DNAH6: variants seen among roughly 807,000 people sequenced by gnomAD.
DNAH6 encodes axonemal beta dynein heavy chain 6.
In DNAH6, 340 loss-of-function variants were observed where a neutral mutation model predicts 491.4. That is an observed-to-expected ratio of 0.69 (90% CI 0.63 to 0.76). DNAH6 has a LOEUF of 0.76. Among genes scored for constraint, DNAH6 ranks in the 30% least tolerant of loss-of-function variants. The pLI is 0.00. For missense variants in DNAH6, 4,443 were observed against 4,972.2 expected, an observed-to-expected ratio of 0.89 and a Z score of 3.20; for synonymous variants, 1,603 against 1,686.1, an observed-to-expected ratio of 0.95 and a Z score of 1.21.
chr2:84,801,276 A>C (rs1209220271), intron 70 of DNAH6, among the ~76,000 whole-genome samples: 1 of 151,818 alleles, frequency 6.6e-6, no homozygotes, highest in Non-Finnish European at 1.5e-5. Flanking sequence ...AAAGAAAAAA[A>C]AAAAAAAGAA....
At chr2:84,617,363 T>A (rs1193032466) in intron 23 of DNAH6, among the ~76,000 whole-genome samples, 1 of 152,170 alleles carries the variant, frequency 6.6e-6, no homozygotes. Context: ...AATCCAGTTA[T>A]ACTCTTTTAG....
intron 35 of DNAH6, among the ~76,000 whole-genome samples, chr2:84,655,268 A>G (rs1690842872): frequency 6.6e-6 from 1 of 152,194 alleles, no homozygotes; most frequent in Non-Finnish European, 1.5e-5. Flanking sequence ...CCCCAATAGT[A>G]GGTGCAAGAC....
intron 64 of DNAH6, 101 bp downstream of exon 64, chr2:84,763,046 A>C: frequency 9.5e-6 from 8 of 839,948 alleles, no homozygotes. Context: ...AAATTCTTAC[A>C]TTCAGGTATC....
intron 70 of DNAH6, among the ~76,000 whole-genome samples, chr2:84,801,912 A>G (rs1482964606): frequency 6.6e-6 from 1 of 151,710 alleles, no homozygotes; most frequent in Non-Finnish European, 1.5e-5. Flanking sequence ...AAAAGAAAGA[A>G]AGGGAAGGGA....
intron 11 of DNAH6, among the ~76,000 whole-genome samples, chr2:84,564,440 G>A (rs1040946739): frequency 2.4e-4 from 36 of 152,108 alleles, no homozygotes; most frequent in Admixed American, 5.2e-4. Context: ...CATTTTGTGC[G>A]TATGTGGCTA....
chr2:84,543,281 T>C (rs1678445534), intron 4 of DNAH6, among the ~76,000 whole-genome samples: 1 of 152,080 alleles, frequency 6.6e-6, no homozygotes, highest in African/African-American at 2.4e-5. Flanking sequence ...TTCACTGGAG[T>C]GTTCCTAATT....
At chr2:84,671,764 G>A (rs368487890) in intron 39 of DNAH6, among the ~76,000 whole-genome samples, 89 of 152,202 alleles carry the variant, frequency 5.8e-4, no homozygotes, top group African/African-American at 2.0e-3. Context: ...TTTGCCCATC[G>A]GGTTTCTCTT....
intron 50 of DNAH6, among the ~76,000 whole-genome samples, 197 bp from the exon 51 acceptor site, chr2:84,703,870 G>A (rs1297243860): frequency 1.3e-5 from 2 of 152,160 alleles, no homozygotes; most frequent in Non-Finnish European, 2.9e-5. Flanking sequence ...GGAACTGTTT[G>A]TTATAATAAG....
chr2:84,637,203 C>T lies in DNAH6; in HGVS notation c.4654-7C>T, dbSNP rs757460577. 9 of 1,525,648 alleles carry T rather than the reference C, an allele frequency of 5.9e-6. No homozygotes were observed. Among genetic ancestry groups the T allele is most frequent in the Admixed American group, 4.3e-5 (2 of 47,046 alleles). 94.5% of individuals were successfully genotyped at this position (1,525,648 alleles called of 1,614,324 possible). On this transcript the variant is annotated splice_region_variant and splice_polypyrimidine_tract_variant and intron_variant, in intron 30 of 76. Transcript: ENST00000389394. ...AGAGTGTTAACTTATATTTTATCTT[C>T]GAACAGCTCTCTAGATTCATGTTTG... is the stretch of plus-strand genomic sequence containing the variant.
intron 4 of DNAH6, among the ~76,000 whole-genome samples, chr2:84,531,750 AAAAG>A (rs33983559): frequency 0.82 from 123,914 of 151,694 alleles, 53,199 homozygotes; most frequent in East Asian, 0.99. Flanking sequence ...TTGGGGTAAA[AAAAG>A]AGGATTTTTC....
chr2:84,479,044 C>A, the DNAH6 span, among the ~76,000 whole-genome samples: 247 of 152,288 alleles, frequency 1.6e-3, 2 homozygotes, highest in Non-Finnish European at 2.6e-4. Context: ...TCAGCTGTCC[C>A]CAGCTGGACT....
intron 26 of DNAH6, among the ~76,000 whole-genome samples, chr2:84,622,591 T>C (rs1573256724): frequency 6.6e-6 from 1 of 152,176 alleles, no homozygotes; most frequent in Non-Finnish European, 1.5e-5. Flanking sequence ...TGGACACTTG[T>C]GTTATTTCCA....
chr2:84,505,812 G>GT, the DNAH6 span, among the ~76,000 whole-genome samples: 2 of 151,998 alleles, frequency 1.3e-5, no homozygotes, highest in Non-Finnish European at 1.5e-5. Context: ...TGCGGTGTTT[G>GT]TTTTTTTGTC....
chr2:84,699,874 C>A, intron 48 of DNAH6, 140 bp downstream of exon 48: 1 of 782,136 alleles, frequency 1.3e-6, no homozygotes, highest in Non-Finnish European at 1.9e-6. Flanking sequence ...AGAGAATGAC[C>A]GTGACAATCA....
intron 11 of DNAH6, among the ~76,000 whole-genome samples, chr2:84,572,904 G>A (rs187710506): frequency 3.0e-4 from 45 of 152,270 alleles, no homozygotes; most frequent in Middle Eastern, 3.4e-3. Context: ...ATTGGAAATC[G>A]TTGTCTTGGT....
intron 64 of DNAH6, among the ~76,000 whole-genome samples, chr2:84,766,524 A>C (rs186315072): frequency 3.0e-4 from 45 of 152,334 alleles, no homozygotes; most frequent in South Asian, 6.2e-4. Context: ...GTAATGTGGC[A>C]CTTAGAGGTA....
rs113019880 is a variant in DNAH6, at chr2:84,777,885, G to A, written c.10704-3608G>A. 77 of 1,232,796 alleles carry A rather than the reference G, an allele frequency of 6.2e-5. 1 individual carries two copies. In the African/African-American group the frequency reaches 9.3e-4, roughly 15 times the overall value. The allele number at this position is 1,232,796 out of a possible 1,614,324, so 76.4% of individuals were successfully genotyped here. A position where few individuals can be genotyped will look rare whatever the true frequency, so the allele number is the denominator to read the frequency against. ...TTCGTGCTGTATTTTACAACATTAG[G>A]AATGATGAATTTAAAGATGTTCACG... On this transcript the variant is annotated intron_variant, in intron 64 of 76. Transcript: ENST00000389394.
intron 18 of DNAH6, among the ~76,000 whole-genome samples, chr2:84,599,064 T>G (rs542893525): frequency 6.6e-6 from 1 of 152,058 alleles, no homozygotes; most frequent in East Asian, 1.9e-4. Context: ...ATAATTTGCA[T>G]TTTTCTAAAT....
intron 2 of DNAH6, 67 bp downstream of exon 2, chr2:84,518,118 A>T: frequency 8.2e-7 from 1 of 1,221,450 alleles, no homozygotes; most frequent in Admixed American, 2.7e-5. Flanking sequence ...GCTTTGGAGG[A>T]TAGAAGTCAT....
Sources: allele counts gnomAD v4.1 joint callset (sites outside exome capture counted in the v4.1 genomes callset), GRCh38; gene constraint gnomAD v4.1.1; transcripts MANE v1.5; gene names NCBI Gene and HGNC (gene_info 2026-07-23, HGNC 2026-07-21).